CXCL17: variants seen among roughly 807,000 people sequenced by gnomAD.
CXCL17 encodes C-X-C motif chemokine ligand 17.
CXCL17 carries 9 observed loss-of-function variants against 15.5 expected under a neutral mutation model. The observed-to-expected ratio is 0.58, with a 90% CI of 0.35 to 1.01. CXCL17 has a LOEUF of 1.01. CXCL17 is among the 50% of genes least tolerant of loss of function. CXCL17 has a pLI of 0.02. For missense variants in CXCL17, 133 were observed against 138.2 expected, an observed-to-expected ratio of 0.96 and a Z score of 0.19; for synonymous variants, 52 against 52.3, an observed-to-expected ratio of 0.99 and a Z score of 0.02.
Position 42,433,816 on chromosome 19 carries a change from C to T in CXCL17, c.120G>A (p.Arg40=). Residue 40 remains arginine (R), a synonymous_variant, in exon 2 of 4, where the codon AGG becomes AGA. Transcript: ENST00000601181. ...RGHRDRGQAS[R]RWLQEGGQEC... ...CTTGGCCGCCTTCCTGGAGCCATCT[C>T]CTAGAAGCCTGGCCTCGGTCCCTGT... 2.5e-6 allele frequency: 4 copies of T among 1,614,068 alleles called. No homozygotes were observed. The highest frequency in any genetic ancestry group is 1.7e-4 in the Middle Eastern group (1 of 6,060).
At chr19:42,435,719 A>G (rs974523641) in intron 1 of CXCL17, among the ~76,000 whole-genome samples, 2 of 151,964 alleles carry the variant, frequency 1.3e-5, no homozygotes, top group African/African-American at 4.8e-5. Flanking sequence ...AGTCCCAGCT[A>G]CTTGGAAGGC....
At chr19:42,437,031 G>A (rs548051676) in intron 1 of CXCL17, among the ~76,000 whole-genome samples, 124 of 151,642 alleles carry the variant, frequency 8.2e-4, no homozygotes, top group African/African-American at 2.9e-3. Context: ...TCTGCCTCTC[G>A]GGTTCAAGCA....
At chr19:42,442,615 G>T (rs2040905631) in intron 1 of CXCL17, 139 bp downstream of exon 1, 1 of 608,676 alleles carries the variant, frequency 1.6e-6, no homozygotes, top group Non-Finnish European at 2.9e-6. Context: ...CTGTTTTTTT[G>T]TAAAGGAGGA....
At position 42,442,522 on chromosome 19, in the gene CXCL17, C is replaced by A. The variant is rs377041345; in HGVS notation, c.79+232G>T. On this transcript the variant is annotated intron_variant, in intron 1 of 3. Coordinates refer to ENST00000601181, the MANE Select transcript of CXCL17 (RefSeq NM_198477.3). ...GTGCTGGGATTACAGGAGTGAGCCA[C>A]CGCGCCCGGCCAGTTGCAGATATTT... Among the ~76,000 whole-genome samples the A allele has an allele frequency of 2.4e-4, 36 of 152,316 alleles. No homozygotes were observed. The East Asian group carries it at 4.2e-3, about 18-fold the overall frequency.
chr19:42,433,128 G>T, intron 2 of CXCL17, 51 bp from the exon 3 acceptor site: 1 of 1,319,640 alleles, frequency 7.6e-7, no homozygotes, highest in South Asian at 1.2e-5. Context: ...CATTTGATAG[G>T]AGGGAGTAGG....
intron 1 of CXCL17, among the ~76,000 whole-genome samples, chr19:42,439,160 G>A (rs2040866366): frequency 6.6e-6 from 1 of 150,838 alleles, no homozygotes; most frequent in Non-Finnish European, 1.5e-5. Context: ...AGGCTGAGGT[G>A]GGAGGATCGC....
chr19:42,435,178 C>CA (rs11289473), intron 1 of CXCL17, among the ~76,000 whole-genome samples: 196 of 114,246 alleles, frequency 1.7e-3, no homozygotes, highest in South Asian at 5.3e-3. Context: ...GACACGGTCT[C>CA]AAAAAAAAAA....
intron 1 of CXCL17, among the ~76,000 whole-genome samples, chr19:42,441,950 G>A (rs1051739187): frequency 2.0e-5 from 3 of 152,090 alleles, no homozygotes; most frequent in African/African-American, 2.4e-5. Flanking sequence ...AGTTTATTAC[G>A]TTACCAGTAA....
At chr19:42,438,579 G>A (rs894224623) in intron 1 of CXCL17, among the ~76,000 whole-genome samples, 2 of 151,524 alleles carry the variant, frequency 1.3e-5, no homozygotes, top group African/African-American at 2.4e-5. Context: ...GTGTGCGTGT[G>A]TGTTATTTCC....
intron 1 of CXCL17, among the ~76,000 whole-genome samples, chr19:42,440,173 T>G (rs2040877819): frequency 6.6e-6 from 1 of 151,902 alleles, no homozygotes; most frequent in Non-Finnish European, 1.5e-5. Flanking sequence ...GATATAGGAG[T>G]TCTTAATGTG....
chr19:42,428,990 C>T lies in CXCL17; in HGVS notation c.263-9G>A, dbSNP rs1416634332. Reference sequence around the variant, plus strand: ...GTGGTGCCTTTGGTGTCCTAGGGTGCAAATAAAGGGGAGAGGCTAGTGTTA... The same window carrying T: ...GTGGTGCCTTTGGTGTCCTAGGGTGTAAATAAAGGGGAGAGGCTAGTGTTA... On this transcript the variant is annotated splice_polypyrimidine_tract_variant and intron_variant, in intron 3 of 3. Coordinates refer to ENST00000601181, the MANE Select transcript of CXCL17 (RefSeq NM_198477.3). The T allele has an allele frequency of 6.2e-7, 1 of 1,604,200 alleles. No homozygotes were observed. Among genetic ancestry groups the T allele is most frequent in the African/African-American group, 1.3e-5 (1 of 74,618 alleles).
Position 42,428,919 on chromosome 19 carries a change from G to A in CXCL17, c.325C>T (p.Gln109Ter). Residue 109 changes from glutamine (Q) to a stop codon, truncating the protein, a stop_gained, in exon 4 of 4, where the codon CAA becomes TAA. Coordinates refer to ENST00000601181, the MANE Select transcript of CXCL17 (RefSeq NM_198477.3). LOFTEE classifies it high-confidence loss of function. Reference protein sequence around the residue: ...HSRACQQFLKQCQLRSFALPL With the variant: ...HSRACQQFLK ...AGAGCAAAGCTTCTTAGCTGACATT[G>A]TTTGAGAAATTGCTGGCAGGCTCTG... 1.2e-6 allele frequency: 2 copies of A among 1,614,136 alleles called. No homozygotes were observed. Among genetic ancestry groups the A allele is most frequent in the Non-Finnish European group, 1.7e-6 (2 of 1,179,992 alleles).
At chr19:42,442,694 T>G in intron 1 of CXCL17, 60 bp downstream of exon 1, 1 of 1,214,764 alleles carries the variant, frequency 8.2e-7, no homozygotes, top group Admixed American at 1.7e-5. Flanking sequence ...TTGATGTGTC[T>G]GTGGCCTGTT....
intron 1 of CXCL17, among the ~76,000 whole-genome samples, chr19:42,441,462 A>G (rs2040891581): frequency 6.6e-6 from 1 of 152,164 alleles, no homozygotes; most frequent in African/African-American, 2.4e-5. Flanking sequence ...AGAGGGAGGT[A>G]CACTAGAAAG....
chr19:42,428,847 G>T lies in CXCL17; in HGVS notation c.*37C>A. 3 of 1,507,282 alleles carry T rather than the reference G, an allele frequency of 2.0e-6. No individual in the cohort carries two copies. The highest frequency in any genetic ancestry group is 1.1e-5 in the South Asian group (1 of 88,762). The allele number at this position is 1,507,282 out of a possible 1,614,324, so 93.4% of individuals were successfully genotyped here. On this transcript the variant is annotated 3_prime_UTR_variant, in exon 4 of 4. Transcript: ENST00000601181. ...AGGTGTGCTCACTGTCTTCTTGGCT[G>T]AGAATGTTTAATTGGAAGAGTGGGC...
chr19:42,438,874 C>T (rs548876858), intron 1 of CXCL17, among the ~76,000 whole-genome samples: 1 of 152,142 alleles, frequency 6.6e-6, no homozygotes, highest in East Asian at 1.9e-4. Context: ...ATATGAGCAA[C>T]ATAATAAATA....
At chr19:42,441,754 A>G (rs1214508432) in intron 1 of CXCL17, among the ~76,000 whole-genome samples, 5 of 152,170 alleles carry the variant, frequency 3.3e-5, no homozygotes, top group African/African-American at 7.2e-5. Flanking sequence ...AAGCGGAAAT[A>G]TACATGGGGA....
At chr19:42,436,597 A>G (rs911552412) in intron 1 of CXCL17, among the ~76,000 whole-genome samples, 44 of 152,300 alleles carry the variant, frequency 2.9e-4, no homozygotes, top group African/African-American at 1.0e-3. Flanking sequence ...TTTGTTACCT[A>G]CATATGCTTT....
At chr19:42,442,181 G>T (rs980546203) in intron 1 of CXCL17, among the ~76,000 whole-genome samples, 1 of 150,968 alleles carries the variant, frequency 6.6e-6, no homozygotes, top group East Asian at 1.9e-4. Context: ...GTACGTGTGT[G>T]TGAGGGGGAT....
Sources: allele counts gnomAD v4.1 joint callset (sites outside exome capture counted in the v4.1 genomes callset), GRCh38; gene constraint gnomAD v4.1.1; transcripts MANE v1.5; gene names NCBI Gene and HGNC (gene_info 2026-07-23, HGNC 2026-07-21).